Variants in ATAD2B observed in about 807,000 individuals in gnomAD.
ATAD2B encodes ATPase family AAA domain-containing protein 2B.
A neutral mutation model predicts 167.6 loss-of-function variants in ATAD2B; 40 were observed. The ratio of observed to expected loss-of-function variants is 0.24; its 90% CI spans 0.19 to 0.31. The LOEUF (loss-of-function observed/expected upper bound fraction) is 0.31. ATAD2B is among the 10% of genes least tolerant of loss of function. The pLI is 1.00. For synonymous variants in ATAD2B, 579 were observed against 596.5 expected (o/e 0.97, Z 0.43); for missense variants, 1,242 against 1,757.2 (o/e 0.71, Z 5.24).
intron 1 of ATAD2B, among the ~76,000 whole-genome samples, chr2:23,921,984 T>A (rs752555277): frequency 2.0e-5 from 3 of 152,052 alleles, no homozygotes; most frequent in Non-Finnish European, 4.4e-5. Context: ...CGCATGAGTG[T>A]TAGAAAAGGA....
chr2:23,711,906 A>T, the ATAD2B span, among the ~76,000 whole-genome samples: 1 of 152,114 alleles, frequency 6.6e-6, no homozygotes, highest in Admixed American at 6.5e-5. Context: ...ACACACATTA[A>T]CTCATTCTAT....
intron 2 of ATAD2B, among the ~76,000 whole-genome samples, chr2:23,891,743 G>A (rs551752735): frequency 1.6e-5 from 2 of 124,228 alleles, no homozygotes; most frequent in African/African-American, 3.0e-5. Flanking sequence ...CCCCCGCCCC[G>A]ACCCCCACCT....
intron 17 of ATAD2B, among the ~76,000 whole-genome samples, chr2:23,816,109 A>G (rs1457892373): frequency 6.6e-6 from 1 of 152,212 alleles, no homozygotes; most frequent in Non-Finnish European, 1.5e-5. Flanking sequence ...AAGATATTAT[A>G]TTCATCTATC....
chr2:23,768,267 A>G (rs1221772998), intron 22 of ATAD2B, among the ~76,000 whole-genome samples: 3 of 152,156 alleles, frequency 2.0e-5, no homozygotes, highest in Non-Finnish European at 4.4e-5. Flanking sequence ...AGGGGAAGTG[A>G]TCGTGCCCGT....
the ATAD2B span, chr2:23,696,329 C>T: frequency 1.9e-6 from 3 of 1,551,294 alleles, no homozygotes; most frequent in Non-Finnish European, 8.7e-7. The surrounding 1 kb of genome is among the most constrained non-coding windows in gnomAD (Gnocchi z 5.5). Flanking sequence ...CACACTGCCT[C>T]CAGGTGGGAT....
At chr2:23,717,521 G>C in the ATAD2B span, among the ~76,000 whole-genome samples, 1 of 152,144 alleles carries the variant, frequency 6.6e-6, no homozygotes, top group Non-Finnish European at 1.5e-5. Context: ...CGGGAGCAAA[G>C]TGAGATTTCA....
intron 1 of ATAD2B, among the ~76,000 whole-genome samples, chr2:23,910,090 C>T (rs1467659401): frequency 2.0e-5 from 3 of 151,702 alleles, no homozygotes; most frequent in Admixed American, 6.6e-5. Flanking sequence ...TATCAAACTC[C>T]TGGCCTCAAG....
At chr2:23,777,526 G>A (rs2551334) in intron 22 of ATAD2B, among the ~76,000 whole-genome samples, 28,756 of 152,032 alleles carry the variant, frequency 0.19, 2,843 homozygotes, top group Middle Eastern at 0.26. Context: ...AAATACAACT[G>A]TGGCAGATAA....
the ATAD2B span, among the ~76,000 whole-genome samples, chr2:23,737,392 T>C: frequency 6.6e-6 from 1 of 152,120 alleles, no homozygotes. Context: ...GGTTCACCAA[T>C]ATCCACTCTT....
At chr2:23,785,862 G>T (rs1680736683) in intron 21 of ATAD2B, 165 bp downstream of exon 21, 7 of 544,766 alleles carry the variant, frequency 1.3e-5, no homozygotes, top group Non-Finnish European at 2.1e-5. Context: ...AAAGTCACCA[G>T]ATGTTTGCTG....
intron 20 of ATAD2B, 134 bp downstream of exon 20, chr2:23,788,378 G>A (rs757098837): frequency 7.4e-5 from 72 of 976,338 alleles, no homozygotes; most frequent in Middle Eastern, 4.3e-4. Flanking sequence ...ACTTCCACAC[G>A]TCATCTAAAG....
At position 23,758,003 on chromosome 2, in the gene ATAD2B, T is replaced by C. The variant is rs771067401; in HGVS notation, c.3493A>G (p.Lys1165Glu). The C allele has an allele frequency of 6.2e-7, 1 of 1,612,358 alleles. No homozygotes were observed. The highest frequency in any genetic ancestry group is 2.2e-5 in the East Asian group (1 of 44,870). Residue 1165 changes from lysine (K) to glutamate (E), a missense_variant, in exon 25 of 28, where the codon AAA becomes GAA. By Grantham distance (56) the Lys-to-Glu change is moderately conservative (BLOSUM62 1). Coordinates refer to ENST00000238789, the MANE Select transcript of ATAD2B (RefSeq NM_017552.4). ...NNLKKDEEDT[K>E]FADYENHTED... ...GTATGGTTCTCATAGTCTGCAAATT[T>C]GGTGTCTTCTTCATCTTTTTTTAAA...
rs554872616 is a variant in ATAD2B, at chr2:23,923,998, C to T, written c.216+2557G>A. Among the ~76,000 whole-genome samples, 278 of 152,210 alleles carry T rather than the reference C, an allele frequency of 1.8e-3. 2 individuals are homozygous for T. The highest frequency in any genetic ancestry group is 3.1e-3 in the East Asian group (16 of 5,182). Reference sequence around the variant, plus strand: ...GAGATCGACACCATCCTGGCTAACACCGTGAAACCCCGTCTCTAATAAAAA... The same window carrying T: ...GAGATCGACACCATCCTGGCTAACATCGTGAAACCCCGTCTCTAATAAAAA... On this transcript the variant is annotated intron_variant, in intron 1 of 27. Coordinates refer to ENST00000238789, the MANE Select transcript of ATAD2B (RefSeq NM_017552.4).
chr2:23,698,562 CATTATA>C, the ATAD2B span, among the ~76,000 whole-genome samples: 20 of 112,672 alleles, frequency 1.8e-4, no homozygotes, highest in South Asian at 5.0e-3. Context: ...ATATATGGTG[CATTATA>C]ATTATATTAC....
intron 1 of ATAD2B, among the ~76,000 whole-genome samples, chr2:23,915,726 G>A (rs1702961714): frequency 6.6e-6 from 1 of 150,590 alleles, no homozygotes. Flanking sequence ...CAAATAGCTG[G>A]GATTACAAGC....
the ATAD2B span, among the ~76,000 whole-genome samples, chr2:23,698,764 T>TGTCA: frequency 6.6e-6 from 1 of 152,292 alleles, no homozygotes; most frequent in East Asian, 1.9e-4. Flanking sequence ...GTCATTTGCA[T>TGTCA]GTCATTAGCA....
intron 17 of ATAD2B, among the ~76,000 whole-genome samples, chr2:23,814,062 G>A (rs1211808002): frequency 6.6e-6 from 1 of 151,918 alleles, no homozygotes; most frequent in African/African-American, 2.4e-5. Flanking sequence ...AGACTACCCT[G>A]GGCGACATAG....
rs564928971 is a variant in ATAD2B, at chr2:23,888,767, T to C, written c.369-368A>G. 2.6e-3 allele frequency among the ~76,000 whole-genome samples: 393 copies of C among 152,278 alleles called. 1 individual carries two copies. Among genetic ancestry groups the C allele is most frequent in the Non-Finnish European group, 5.1e-3 (344 of 68,004 alleles). On this transcript the variant is annotated intron_variant, in intron 2 of 27. Transcript: ENST00000238789. ...GGTTGATGAAATAAAATTCAAACAA[T>C]GATAAATTTATTAACACAATAAACA... is the stretch of plus-strand genomic sequence containing the variant.
chr2:23,895,407 T>C (rs758951769), intron 2 of ATAD2B, among the ~76,000 whole-genome samples: 4 of 152,022 alleles, frequency 2.6e-5, no homozygotes, highest in South Asian at 2.1e-4. Context: ...AACAGGATAA[T>C]AGATGAAAAG....
Sources: gnomAD v4.1 joint callset for allele counts (sites outside exome capture counted in the v4.1 genomes callset) on GRCh38, gnomAD v4.1.1 for gene constraint, Gnocchi (gnomAD v3.1) non-coding constraint, MANE v1.5 for transcripts, NCBI Gene and HGNC (gene_info 2026-07-23, HGNC 2026-07-21) for gene names.